The following ADGRG2 variants were observed in gnomAD, a reference collection of about 807,000 sequenced individuals.
The protein encoded by ADGRG2 is G protein-coupled receptor 64.
ADGRG2 carries 26 observed loss-of-function variants against 74.1 expected under a neutral mutation model. The ratio of observed to expected loss-of-function variants is 0.35; its 90% CI spans 0.26 to 0.49. The LOEUF (loss-of-function observed/expected upper bound fraction) is 0.49, where lower values mean the gene tolerates loss of function less well. ADGRG2 is among the 20% of genes least tolerant of loss of function. ADGRG2 has a pLI of 0.99. For synonymous variants in ADGRG2, 296 were observed against 295.2 expected, an observed-to-expected ratio of 1.00 and a Z score of -0.03; for missense variants, 619 against 763.1, an observed-to-expected ratio of 0.81 and a Z score of 2.22.
intron 28 of ADGRG2, 90 bp from the exon 29 acceptor site, chrX:18,991,138 G>T: frequency 2.2e-6 from 1 of 447,390 alleles, no homozygotes; most frequent in Non-Finnish European, 3.7e-6. Context: ...TATTCTTAAA[G>T]ATGTATTTGT....
intron 3 of ADGRG2, among the ~76,000 whole-genome samples, chrX:19,055,097 T>C (rs1175189775): frequency 8.9e-6 from 1 of 112,224 alleles, no homozygotes; most frequent in East Asian, 2.8e-4. Context: ...TTGCTCTCCC[T>C]TATTTTACAT....
intron 3 of ADGRG2, among the ~76,000 whole-genome samples, chrX:19,065,068 G>A (rs2061543862): frequency 9.2e-6 from 1 of 108,360 alleles, no homozygotes; most frequent in Non-Finnish European, 1.9e-5. Context: ...CCAGGAATTC[G>A]AGACCACCCT....
chrX:19,046,802 G>C (rs750484562), intron 3 of ADGRG2, among the ~76,000 whole-genome samples: 8 of 111,705 alleles, frequency 7.2e-5, no homozygotes, highest in Non-Finnish European at 1.5e-4. Flanking sequence ...TGGAATCATG[G>C]AAGAGGCACA....
intron 1 of ADGRG2, among the ~76,000 whole-genome samples, chrX:19,118,844 T>C (rs2062568679): frequency 2.7e-5 from 3 of 112,663 alleles, no homozygotes; most frequent in Admixed American, 1.9e-4. Context: ...AAACAAACTT[T>C]GGGATACTGC....
At chrX:19,031,339 G>A (rs2060821035) in intron 8 of ADGRG2, 3 of 246,240 alleles carry the variant, frequency 1.2e-5, no homozygotes, top group East Asian at 1.6e-4. Context: ...TATAAACAGA[G>A]CACCATGAAC....
At chrX:19,031,081 C>A in intron 8 of ADGRG2, 44 bp from the exon 9 acceptor site, 1 of 911,986 alleles carries the variant, frequency 1.1e-6, no homozygotes, top group Non-Finnish European at 1.6e-6. Context: ...TGTCAATGCC[C>A]GTGTTTATGT....
chrX:19,048,711 A>T (rs1345201957), intron 3 of ADGRG2, among the ~76,000 whole-genome samples: 1 of 112,331 alleles, frequency 8.9e-6, no homozygotes, highest in Non-Finnish European at 1.9e-5. Flanking sequence ...ACACATGGCT[A>T]GCAATCTACG....
chrX:19,122,496 C>T (rs1273869508), upstream of ADGRG2: 23 of 111,033 alleles, frequency 2.1e-4, no homozygotes, highest in African/African-American at 7.4e-4. Context: ...CGCCTTTTCC[C>T]CTCTCCGGGG....
Position 19,008,064 on chromosome X carries a change from C to T in ADGRG2, c.1482G>A (p.Ser494=), listed in dbSNP as rs374958843. The T allele has an allele frequency of 4.2e-6, 5 of 1,189,600 alleles. No individual in the cohort carries two copies. Among genetic ancestry groups the T allele is most frequent in the East Asian group, 5.9e-5 (2 of 33,627 alleles). Residue 494 remains serine (S), a synonymous_variant, in exon 19 of 29, where the codon TCG becomes TCA. Transcript: ENST00000379869. ...NSIGTITLPS[S]LMNNLPAHDM... ...CATGAGCTGGTAAATTATTCATCAG[C>T]GATGAAGGAAGAGTAATTGTGCCAA...
intron 19 of ADGRG2, 151 bp downstream of exon 19, chrX:19,007,829 G>A (rs191782052): frequency 2.2e-6 from 1 of 454,524 alleles, no homozygotes; most frequent in East Asian, 3.7e-5. Flanking sequence ...ATCATCACCA[G>A]TATCATTAGG....
Position 19,033,628 on chromosome X carries a change from T to C in ADGRG2, c.289A>G (p.Thr97Ala), listed in dbSNP as rs759243829. The C allele has an allele frequency of 2.4e-6, 2 of 831,420 alleles. No individual in the cohort carries two copies. The highest frequency in any genetic ancestry group is 4.5e-5 in the South Asian group (2 of 44,438). The allele number at this position is 831,420 out of a possible 1,213,427, so 68.5% of individuals were successfully genotyped here. Residue 97 changes from threonine to alanine, a missense_variant, in exon 8 of 29, where the codon ACC (threonine) becomes GCC (alanine). Thr to Ala is a moderately conservative substitution (Grantham distance 58, BLOSUM62 0). Around this residue, in one of 3 missense-constraint regions of ADGRG2, gnomAD observed 292 missense variants for 318.0 expected, o/e 0.92. Transcript: ENST00000379869. ...TEKTKITIVK[T>A]FNASGVKPQR... ...TAAGTCATACCTGATGCATTGAAGG[T>C]TTTTACTATAGTGATTTTAGTTTTT...
At chrX:19,104,820 G>A (rs977544968) in intron 1 of ADGRG2, among the ~76,000 whole-genome samples, 7 of 105,314 alleles carry the variant, frequency 6.6e-5, no homozygotes, top group African/African-American at 2.5e-4. Context: ...GGGAGGCTGA[G>A]GGAGCAGAAT....
chrX:19,057,218 A>C (rs1162822981), intron 3 of ADGRG2, among the ~76,000 whole-genome samples: 1 of 111,548 alleles, frequency 9.0e-6, no homozygotes, highest in African/African-American at 3.3e-5. Context: ...TGAGATTTCC[A>C]TTCTGACTAT....
chrX:19,097,369 G>C (rs1177898297), intron 1 of ADGRG2, among the ~76,000 whole-genome samples: 1 of 112,360 alleles, frequency 8.9e-6, no homozygotes, highest in East Asian at 2.8e-4. Flanking sequence ...AAATTAGCCA[G>C]GCGTGGTAGC....
At chrX:19,020,886 C>A (rs182262944) in intron 14 of ADGRG2, among the ~76,000 whole-genome samples, 1 of 109,902 alleles carries the variant, frequency 9.1e-6, no homozygotes, top group African/African-American at 3.3e-5. Context: ...CACCTGAATC[C>A]GGGAAGTGGA....
At chrX:19,021,750 C>A (rs1039602020) in intron 13 of ADGRG2, among the ~76,000 whole-genome samples, 2 of 110,751 alleles carry the variant, frequency 1.8e-5, no homozygotes, top group Non-Finnish European at 3.8e-5. Context: ...CAGGTTCAAG[C>A]GATTCTCCTC....
At chrX:19,041,441 A>G (rs754875733) in intron 3 of ADGRG2, among the ~76,000 whole-genome samples, 28 of 112,349 alleles carry the variant, frequency 2.5e-4, no homozygotes, top group African/African-American at 9.0e-4. Flanking sequence ...CATTAAAAAA[A>G]TTAATTACAA....
At chrX:18,995,590 A>G (rs886327471) in intron 27 of ADGRG2, among the ~76,000 whole-genome samples, 2 of 112,257 alleles carry the variant, frequency 1.8e-5, no homozygotes, top group Non-Finnish European at 3.8e-5. Flanking sequence ...TGTGAAAATC[A>G]CTTCAAAATA....
intron 1 of ADGRG2, among the ~76,000 whole-genome samples, chrX:19,100,973 G>T (rs768391204): frequency 8.8e-6 from 1 of 112,998 alleles, no homozygotes; most frequent in African/African-American, 3.2e-5. Flanking sequence ...GTGAACATAT[G>T]GAAGAACTAG....
Sources: gnomAD v4.1 joint callset for allele counts (sites outside exome capture counted in the v4.1 genomes callset) on GRCh38, gnomAD v4.1.1 for gene constraint, gnomAD v4.1.1 regional missense constraint, MANE v1.5 for transcripts, NCBI Gene and HGNC (gene_info 2026-07-23, HGNC 2026-07-21) for gene names.